NOTCH1: variants seen among roughly 807,000 people sequenced by gnomAD.
The protein encoded by NOTCH1 is notch receptor 1, also known as neurogenic locus notch homolog protein 1.
Under a neutral mutation model 254.8 loss-of-function variants are expected in NOTCH1, and 37 were observed. That is an observed-to-expected ratio of 0.15 (90% CI 0.11 to 0.19). The LOEUF (loss-of-function observed/expected upper bound fraction) is 0.19. Among genes scored for constraint, NOTCH1 ranks in the 10% least tolerant of loss-of-function variants. The probability of loss-of-function intolerance (pLI) is 1.00; values close to 1 mark genes in which losing one functional copy is unlikely to be tolerated. For synonymous variants in NOTCH1, 1,731 were observed against 1,618.1 expected (o/e 1.07, Z -1.68); for missense variants, 2,972 against 3,708.6 (o/e 0.80, Z 5.16).
chr9:136,533,350 A>AC (rs1843591776), intron 2 of NOTCH1, among the ~76,000 whole-genome samples: 1 of 152,042 alleles, frequency 6.6e-6, no homozygotes, highest in African/African-American at 2.4e-5. Context: ...CAGGGAAACC[A>AC]CACATGTTCA....
At chr9:136,529,052 C>A (rs747998762) in intron 2 of NOTCH1, among the ~76,000 whole-genome samples, 1 of 152,152 alleles carries the variant, frequency 6.6e-6, no homozygotes, top group South Asian at 2.1e-4. Flanking sequence ...GGCAGGGGCA[C>A]CCCCACGCCC....
intron 17 of NOTCH1, 22 bp from the exon 18 acceptor site, chr9:136,509,983 A>G (rs1843153074): frequency 6.2e-7 from 1 of 1,605,298 alleles, no homozygotes; most frequent in Non-Finnish European, 8.5e-7. Flanking sequence ...CGGAAGGGTG[A>G]GTGTGAGGGG....
At chr9:136,512,919 G>GCCC in intron 15 of NOTCH1, 102 bp downstream of exon 15, 1 of 153,872 alleles carries the variant, frequency 6.5e-6, no homozygotes, top group South Asian at 5.2e-5. Flanking sequence ...CCCCACCCCT[G>GCCC]GCCCCACCCT....
intron 9 of NOTCH1, among the ~76,000 whole-genome samples, 198 bp downstream of exon 9, chr9:136,517,074 G>C (rs1843285628): frequency 6.6e-6 from 1 of 150,380 alleles, no homozygotes; most frequent in African/African-American, 2.5e-5. Context: ...CCAGGAGCAG[G>C]GGACACAACC....
In NOTCH1 at chr9:136,505,561, G is replaced by C. The variant is rs373960609; in HGVS notation, c.4335C>G (p.Ile1445Met). 9.9e-6 allele frequency: 16 copies of C among 1,610,900 alleles called. No homozygotes were observed. The highest frequency in any genetic ancestry group is 8.9e-5 in the East Asian group (4 of 44,846). The change falls in exon 25 of 34, where the codon ATC (isoleucine) becomes ATG (methionine). Residue 1445 changes from isoleucine (I) to methionine (M), a missense_variant. Coordinates refer to ENST00000651671, the MANE Select transcript of NOTCH1 (RefSeq NM_017617.5). ...GAGRDIPPPLIEEACELPECQ... is the reference protein window; with the variant it reads ...GAGRDIPPPLMEEACELPECQ... ...ACTCGGGCAGCTCGCACGCCTCCTC[G>C]ATCAGCGGCGGGGGGATGTCGCGCC...
rs775509031 is a variant in NOTCH1 at position 136,523,703 on chromosome 9, G to A, written c.403+14C>T. 2 of 1,594,062 alleles carry A rather than the reference G, an allele frequency of 1.3e-6. No homozygotes were observed. The highest frequency in any genetic ancestry group is 4.5e-5 in the East Asian group (2 of 44,094). On this transcript the variant is annotated intron_variant, in intron 3 of 33. Transcript: ENST00000651671. ...TGGGTCTGCCCACCCCTCAGGCTGTGGGTCCTCCCTCACCTGACCAGCCGG... is the reference window on the plus strand; with the variant it reads ...TGGGTCTGCCCACCCCTCAGGCTGTAGGTCCTCCCTCACCTGACCAGCCGG...
chr9:136,498,605 C>T (rs1008297772), intron 33 of NOTCH1, among the ~76,000 whole-genome samples: 9 of 152,200 alleles, frequency 5.9e-5, no homozygotes, highest in Admixed American at 1.3e-4. Flanking sequence ...CCACGCCAGG[C>T]TGTGTGCCCC....
intron 2 of NOTCH1, among the ~76,000 whole-genome samples, chr9:136,542,351 G>A (rs1843743919): frequency 6.6e-6 from 1 of 152,162 alleles, no homozygotes; most frequent in South Asian, 2.1e-4. Flanking sequence ...CGGGAGCGCA[G>A]TGGCGGGGAA....
intron 31 of NOTCH1, among the ~76,000 whole-genome samples, 155 bp from the exon 32 acceptor site, chr9:136,499,414 G>GGGCT (rs1842963716): frequency 6.6e-6 from 1 of 152,256 alleles, no homozygotes; most frequent in Admixed American, 6.5e-5. Flanking sequence ...AAACGCCATG[G>GGGCT]GGCTGCCCCT....
At chr9:136,511,448 G>A (rs936815177) in intron 15 of NOTCH1, among the ~76,000 whole-genome samples, 177 bp from the exon 16 acceptor site, 4 of 152,154 alleles carry the variant, frequency 2.6e-5, no homozygotes, top group Non-Finnish European at 5.9e-5. Context: ...ACCCAGGGAG[G>A]AGTGGAGCAC....
At chr9:136,518,051 C>A in intron 7 of NOTCH1, 86 bp downstream of exon 7, 1 of 1,551,106 alleles carries the variant, frequency 6.4e-7, no homozygotes, top group African/African-American at 1.4e-5. Flanking sequence ...TAACTGGGCA[C>A]CCCCTGAAGC....
Position 136,513,012 on chromosome 9 carries a change from AC to A in NOTCH1, c.2467+8del. The A allele has an allele frequency of 2.4e-6, 1 of 422,832 alleles. No homozygotes were observed. Among genetic ancestry groups the A allele is most frequent in the Non-Finnish European group, 3.5e-6 (1 of 282,610 alleles). 26.2% of individuals were successfully genotyped at this position (422,832 alleles called of 1,614,324 possible). A position where few individuals can be genotyped will look rare whatever the true frequency, so the allele number is the denominator to read the frequency against. On this transcript the variant is annotated splice_region_variant and intron_variant, in intron 15 of 33. Transcript: ENST00000651671. This position sits in a 1 kb window ranked among gnomAD's most constrained non-coding sequence, Gnocchi z 4.7. ...GCCCCCTCCAGCACAGGCCCCACCC[AC>A]CCCTCACCTGTGTAGGGCAGCAGGC...
chr9:136,501,268 T>G (rs1192757065), intron 30 of NOTCH1, among the ~76,000 whole-genome samples: 1 of 151,946 alleles, frequency 6.6e-6, no homozygotes, highest in Admixed American at 6.6e-5. Flanking sequence ...ACCCCATCGC[T>G]GCTAAAAATA....
intron 2 of NOTCH1, among the ~76,000 whole-genome samples, chr9:136,541,848 C>T (rs1267306287): frequency 2.6e-5 from 4 of 152,256 alleles, no homozygotes; most frequent in African/African-American, 2.4e-5. Context: ...TCCGTCCCAT[C>T]TTCTCGTTGG....
In NOTCH1 at chr9:136,496,852, A is replaced by G. The variant is rs778651109; in HGVS notation, c.6887T>C (p.Phe2296Ser). Residue 2296 changes from phenylalanine to serine, a missense_variant, in exon 34 of 34, where the codon TTC becomes TCC. Phe to Ser is a radical substitution (Grantham distance 155). This residue lies in a region of NOTCH1 where 529 missense variants were observed against 529.2 expected (regional missense o/e 1.00). Transcript: ENST00000651671. ...LGSSSGGALNFTVGGSTSLNG... is the reference protein window; with the variant it reads ...LGSSSGGALNSTVGGSTSLNG... ...CAAACTGGTGGACCCGCCCACAGTG[A>G]AATTCAGGGCCCCTCCGCTGCTGGA... 6.2e-7 allele frequency: 1 copy of G among 1,612,922 alleles called. No individual in the cohort carries two copies. Among genetic ancestry groups the G allele is most frequent in the Non-Finnish European group, 8.5e-7 (1 of 1,180,002 alleles).
At chr9:136,542,232 C>A (rs58222527) in intron 2 of NOTCH1, among the ~76,000 whole-genome samples, 12,116 of 152,068 alleles carry the variant, frequency 0.08, 1,069 homozygotes, top group African/African-American at 0.22. Context: ...GAAGAAGCAA[C>A]AGGCCCCCAA....
rs1487903012 is a variant in NOTCH1 at position 136,515,708 on chromosome 9, C to T, written c.1678G>A (p.Gly560Arg). 1 of 1,540,318 alleles carries T rather than the reference C, an allele frequency of 6.5e-7. No individual in the cohort carries two copies. Among genetic ancestry groups the T allele is most frequent in the African/African-American group, 1.4e-5 (1 of 73,106 alleles). The change falls in exon 11 of 34, where the codon GGG becomes AGG. Residue 560 changes from glycine to arginine, a missense_variant. Gly to Arg is a moderately radical substitution (Grantham distance 125). Coordinates refer to ENST00000651671, the MANE Select transcript of NOTCH1 (RefSeq NM_017617.5). The part of the protein sequence containing the change: ...YTCVCTEGYT[G>R]THCEVDIDEC... Reference sequence around the variant, plus strand: ...TCGATGTCCACCTCGCAGTGCGTCCCCGTGTACCCTGGACCGTGGGAGGGG... The same window carrying T: ...TCGATGTCCACCTCGCAGTGCGTCCTCGTGTACCCTGGACCGTGGGAGGGG...
At chr9:136,523,589 G>A in intron 3 of NOTCH1, 128 bp downstream of exon 3, 1 of 1,249,564 alleles carries the variant, frequency 8.0e-7, no homozygotes, top group Non-Finnish European at 1.1e-6. Context: ...GGGACCCTGG[G>A]GCAGGGGCTC....
In NOTCH1 at chr9:136,515,351, G is replaced by A. The variant is rs752168856; in HGVS notation, c.1953C>T (p.Asp651=). The A allele has an allele frequency of 2.1e-5, 34 of 1,612,976 alleles. No homozygotes were observed. The highest frequency in any genetic ancestry group is 3.3e-5 in the Admixed American group (2 of 60,008). The part of the protein sequence containing the change: ...NLDDCASSPC[D]SGTCLDKIDG... The stretch of plus-strand genomic sequence containing the variant: ...CGATCTTGTCCAGACAGGTGCCCGA[G>A]TCGCAGGGGCTGCTGGCACAGTCAT... The change falls in exon 12 of 34, where the codon GAC becomes GAT. Residue 651 remains aspartate (D), a synonymous_variant. Coordinates refer to ENST00000651671, the MANE Select transcript of NOTCH1 (RefSeq NM_017617.5).
Sources: gnomAD v4.1 joint callset for allele counts (sites outside exome capture counted in the v4.1 genomes callset) on GRCh38, gnomAD v4.1.1 for gene constraint, gnomAD v4.1.1 regional missense constraint, Gnocchi (gnomAD v3.1) non-coding constraint, MANE v1.5 for transcripts, NCBI Gene and HGNC (gene_info 2026-07-23, HGNC 2026-07-21) for gene names.